Variants in EDA2R observed in about 807,000 individuals in gnomAD.
EDA2R encodes the protein tumor necrosis factor receptor superfamily member 27.
In EDA2R, 26 loss-of-function variants were observed where a neutral mutation model predicts 20.1. That is an observed-to-expected ratio of 1.30 (90% CI 0.95 to 1.80). EDA2R has a LOEUF of 1.80. EDA2R is among the 40% of genes most tolerant of loss of function. The pLI is 0.00. For synonymous variants in EDA2R, 114 were observed against 88.7 expected (o/e 1.29, Z -1.60); for missense variants, 277 against 228.7 (o/e 1.21, Z -1.36).
intron 1 of EDA2R, among the ~76,000 whole-genome samples, chrX:66,631,962 T>C (rs1179018830): frequency 8.9e-6 from 1 of 112,017 alleles, no homozygotes; most frequent in Non-Finnish European, 1.9e-5. Flanking sequence ...GTTGGAGATG[T>C]GTCAAATGCA....
chrX:66,597,938 G>T lies in EDA2R; in HGVS notation c.*166C>A. On this transcript the variant is annotated 3_prime_UTR_variant, in exon 7 of 7. Coordinates refer to ENST00000374719, the MANE Select transcript of EDA2R (RefSeq NM_021783.5). ...TGCTCCAGATCAGTCCTTGTGAAATGGAGAATCAATCCTCTGGTGGGATGG... is the reference window on the plus strand; with the variant it reads ...TGCTCCAGATCAGTCCTTGTGAAATTGAGAATCAATCCTCTGGTGGGATGG... 1 of 700,868 alleles carries T rather than the reference G, an allele frequency of 1.4e-6. No individual in the cohort carries two copies. The highest frequency in any genetic ancestry group is 1.9e-6 in the Non-Finnish European group (1 of 537,951). 57.8% of individuals were successfully genotyped at this position (700,868 alleles called of 1,213,427 possible).
intron 2 of EDA2R, among the ~76,000 whole-genome samples, chrX:66,611,682 G>T (rs1256616022): frequency 9.0e-6 from 1 of 110,713 alleles, no homozygotes; most frequent in Admixed American, 9.6e-5. Context: ...AAAGCCTCAA[G>T]AACCTATGAG....
At position 66,599,713 on chromosome X, in the gene EDA2R, C is replaced by T. The variant is rs1429790223; in HGVS notation, c.665G>A (p.Cys222Tyr). The T allele has an allele frequency of 3.3e-6, 4 of 1,209,748 alleles. No homozygotes were observed. The highest frequency in any genetic ancestry group is 2.2e-5 in the Admixed American group (1 of 45,903). ...QPLNPILEDD[C>Y]SSTSGFPTQE... ...TGTGGGGAAGCCACTAGTCGAGCTG[C>T]AGTCGTCCTCGAGGATAGGGTTAAG... is the stretch of plus-strand genomic sequence containing the variant. The change falls in exon 6 of 7, where the codon TGC becomes TAC. Residue 222 changes from cysteine to tyrosine, a missense_variant. By Grantham distance (194) the Cys-to-Tyr change is radical. Coordinates refer to ENST00000374719, the MANE Select transcript of EDA2R (RefSeq NM_021783.5).
chrX:66,600,275 C>T (rs1388510906), intron 5 of EDA2R, among the ~76,000 whole-genome samples: 2 of 111,339 alleles, frequency 1.8e-5, no homozygotes, highest in African/African-American at 6.5e-5. Flanking sequence ...TCTATGGGTC[C>T]AATGTAATCC....
chrX:66,624,041 G>A (rs969209762), intron 1 of EDA2R, among the ~76,000 whole-genome samples: 32 of 112,430 alleles, frequency 2.8e-4, no homozygotes, highest in African/African-American at 9.7e-4. Context: ...TTACAATAGT[G>A]CCTGGCACAC....
intron 5 of EDA2R, among the ~76,000 whole-genome samples, chrX:66,600,493 T>C (rs762378250): frequency 1.8e-5 from 2 of 111,889 alleles, no homozygotes; most frequent in Admixed American, 9.4e-5. Context: ...TGCATAGACC[T>C]GAATTCTGCC....
chrX:66,615,495 C>T lies in EDA2R; in HGVS notation c.87+439G>A, dbSNP rs749742392. The stretch of plus-strand genomic sequence containing the variant: ...TTATCTTTAATTGGGATTTTAGACC[C>T]TCCGTGGTTCCCTATCCCTATATTC... On this transcript the variant is annotated intron_variant, in intron 2 of 6. Transcript: ENST00000374719. Among the ~76,000 whole-genome samples, 3 of 111,642 alleles carry T rather than the reference C, an allele frequency of 2.7e-5. No homozygotes were observed. The South Asian group carries it at 1.1e-3, about 43-fold the overall frequency.
At chrX:66,630,818 T>TAC (rs1171133667) in intron 1 of EDA2R, among the ~76,000 whole-genome samples, 1 of 57,428 alleles carries the variant, frequency 1.7e-5, no homozygotes, top group African/African-American at 5.4e-5. Context: ...ATCATATATA[T>TAC]ATATACACAC....
At chrX:66,606,790 C>T (rs1455428506) in intron 2 of EDA2R, among the ~76,000 whole-genome samples, 1 of 112,060 alleles carries the variant, frequency 8.9e-6, no homozygotes, top group Non-Finnish European at 1.9e-5. Flanking sequence ...TACCTGATTC[C>T]AGAGTGAGCT....
chrX:66,612,329 A>T (rs1930901980), intron 2 of EDA2R, among the ~76,000 whole-genome samples: 1 of 112,199 alleles, frequency 8.9e-6, no homozygotes, highest in African/African-American at 3.2e-5. Context: ...TTTATAAATC[A>T]TAGTAGATGA....
chrX:66,626,645 C>T (rs1442803524), intron 1 of EDA2R, among the ~76,000 whole-genome samples: 1 of 109,796 alleles, frequency 9.1e-6, no homozygotes, highest in Non-Finnish European at 1.9e-5. Context: ...TCTAGACATC[C>T]AAATACAAGA....
intron 1 of EDA2R, among the ~76,000 whole-genome samples, chrX:66,617,573 G>A (rs1931925551): frequency 9.0e-6 from 1 of 111,598 alleles, no homozygotes; most frequent in African/African-American, 3.3e-5. Flanking sequence ...AAAAACATTG[G>A]CAGGAACCAA....
chrX:66,612,011 A>C (rs1471058383), intron 2 of EDA2R, among the ~76,000 whole-genome samples: 1 of 112,179 alleles, frequency 8.9e-6, no homozygotes, highest in African/African-American at 3.2e-5. Context: ...ATGGAAGCCA[A>C]GAAGGAAGTA....
At chrX:66,598,843 C>A (rs902641522) in intron 6 of EDA2R, among the ~76,000 whole-genome samples, 3 of 111,695 alleles carry the variant, frequency 2.7e-5, no homozygotes, top group African/African-American at 9.8e-5. Context: ...TACCTACTCT[C>A]CTACCTCATG....
intron 1 of EDA2R, among the ~76,000 whole-genome samples, chrX:66,626,563 G>A (rs1212176648): frequency 4.5e-5 from 5 of 110,978 alleles, no homozygotes; most frequent in Non-Finnish European, 9.4e-5. Flanking sequence ...TTCTGAGGAA[G>A]AAGAGAAATC....
intron 5 of EDA2R, among the ~76,000 whole-genome samples, chrX:66,600,434 T>C (rs762696093): frequency 3.6e-5 from 4 of 111,912 alleles, no homozygotes; most frequent in African/African-American, 9.7e-5. Flanking sequence ...AGGCTAGGAA[T>C]GACCTTCAGC....
rs759006589 is a variant in EDA2R at position 66,597,034 on chromosome X, C to G, written c.*1070G>C. ...TAAAATTCTAAAAGCAAAAATCTTG[C>G]TGTAGACAGCACTCCTTTGCCAGAG... is the stretch of plus-strand genomic sequence containing the variant. On this transcript the variant is annotated 3_prime_UTR_variant, in exon 7 of 7. Transcript: ENST00000374719. 1 of 113,180 alleles carries G rather than the reference C, an allele frequency of 8.8e-6. No homozygotes were observed. The highest frequency in any genetic ancestry group is 3.2e-5 in the African/African-American group (1 of 31,199). 9.3% of individuals were successfully genotyped at this position (113,180 alleles called of 1,213,427 possible). A position where few individuals can be genotyped will look rare whatever the true frequency, so the allele number is the denominator to read the frequency against.
chrX:66,610,176 G>A (rs897082289), intron 2 of EDA2R, among the ~76,000 whole-genome samples: 2 of 109,358 alleles, frequency 1.8e-5, no homozygotes, highest in Non-Finnish European at 3.8e-5. Flanking sequence ...ATAAATTAAC[G>A]ACAACCACCT....
Position 66,598,070 on chromosome X carries a change from A to C in EDA2R, c.*34T>G. The C allele has an allele frequency of 2.1e-6, 2 of 966,008 alleles. No individual in the cohort carries two copies. Among genetic ancestry groups the C allele is most frequent in the Non-Finnish European group, 2.7e-6 (2 of 752,350 alleles). The allele number at this position is 966,008 out of a possible 1,213,427, so 79.6% of individuals were successfully genotyped here. On this transcript the variant is annotated 3_prime_UTR_variant, in exon 7 of 7. Coordinates refer to ENST00000374719, the MANE Select transcript of EDA2R (RefSeq NM_021783.5). ...CAGAGTCCAGAGAGAACAACTGGGCAAGGCTGCCAGGGGCCCAAGAGACCT... is the reference window on the plus strand; with the variant it reads ...CAGAGTCCAGAGAGAACAACTGGGCCAGGCTGCCAGGGGCCCAAGAGACCT...
Sources: allele counts gnomAD v4.1 joint callset (sites outside exome capture counted in the v4.1 genomes callset), GRCh38; gene constraint gnomAD v4.1.1; transcripts MANE v1.5; gene names NCBI Gene and HGNC (gene_info 2026-07-23, HGNC 2026-07-21).